The following TRPM3 variants were observed in gnomAD, a reference collection of about 807,000 sequenced individuals.
The protein encoded by TRPM3 is transient receptor potential cation channel subfamily M member 3, also known as long transient receptor potential channel 3.
TRPM3 carries 77 observed loss-of-function variants against 181.2 expected under a neutral mutation model. That is an observed-to-expected ratio of 0.42 (90% CI 0.35 to 0.51). TRPM3 has a LOEUF of 0.51. Among genes scored for constraint, TRPM3 ranks in the 20% least tolerant of loss-of-function variants. The pLI is 0.01. For synonymous variants in TRPM3, 745 were observed against 796.4 expected (o/e 0.94, Z 1.09); for missense variants, 1,759 against 2,196.7 (o/e 0.80, Z 3.98).
chr9:70,615,239 T>C (rs2062604055), intron 18 of TRPM3, among the ~76,000 whole-genome samples: 1 of 152,232 alleles, frequency 6.6e-6, no homozygotes, highest in Non-Finnish European at 1.5e-5. Flanking sequence ...TGTTGCTTGA[T>C]GACTTCCAAG....
At chr9:71,358,831 G>A (rs2092017631) in intron 1 of TRPM3, among the ~76,000 whole-genome samples, 1 of 152,154 alleles carries the variant, frequency 6.6e-6, no homozygotes, top group Admixed American at 6.6e-5. Flanking sequence ...TATCCGTCTG[G>A]TTATCAGGGT....
chr9:71,067,819 C>G (rs1446463778), intron 1 of TRPM3, among the ~76,000 whole-genome samples: 1 of 152,176 alleles, frequency 6.6e-6, no homozygotes, highest in African/African-American at 2.4e-5. Context: ...TGACCACATA[C>G]TAAGATCTCC....
intron 1 of TRPM3, among the ~76,000 whole-genome samples, chr9:71,095,615 C>T (rs759044333): frequency 9.2e-5 from 14 of 151,628 alleles, no homozygotes; most frequent in Non-Finnish European, 1.5e-4. Flanking sequence ...AAAAATTAGC[C>T]GGGCATGGTG....
At chr9:71,272,241 T>C (rs2083860189) in intron 1 of TRPM3, among the ~76,000 whole-genome samples, 1 of 152,196 alleles carries the variant, frequency 6.6e-6, no homozygotes, top group Admixed American at 6.5e-5. Context: ...ATAGAATTGG[T>C]ATTGAGAGAA....
chr9:70,678,617 G>T (rs1395989937), intron 9 of TRPM3, among the ~76,000 whole-genome samples: 1 of 152,086 alleles, frequency 6.6e-6, no homozygotes, highest in African/African-American at 2.4e-5. Flanking sequence ...CTGGATCTAG[G>T]GACCAATGGG....
intron 6 of TRPM3, among the ~76,000 whole-genome samples, chr9:70,786,235 TG>T (rs2083557006): frequency 1.4e-5 from 2 of 141,572 alleles, no homozygotes; most frequent in African/African-American, 5.4e-5. Flanking sequence ...AAGGCCAAGG[TG>T]GGCGGATCAC....
chr9:71,228,382 G>A (rs2080830217), intron 1 of TRPM3, among the ~76,000 whole-genome samples: 1 of 152,020 alleles, frequency 6.6e-6, no homozygotes, highest in Non-Finnish European at 1.5e-5. Flanking sequence ...CACTGACTGG[G>A]GAAAAACAAA....
At chr9:71,148,085 G>A (rs375521542) in intron 1 of TRPM3, among the ~76,000 whole-genome samples, 1 of 144,516 alleles carries the variant, frequency 6.9e-6, no homozygotes, top group African/African-American at 2.5e-5. Flanking sequence ...ATGACAGAGA[G>A]TAGTGTAAAA....
chr9:71,351,870 G>GTTTGT (rs2091646627), intron 1 of TRPM3, among the ~76,000 whole-genome samples: 3 of 95,660 alleles, frequency 3.1e-5, no homozygotes, highest in South Asian at 4.0e-4. Flanking sequence ...TTGTTTGTTT[G>GTTTGT]TTTTTGTTTT....
chr9:70,846,573 C>G lies in TRPM3; in HGVS notation c.481G>C (p.Asp161His), dbSNP rs1046309625. 2 of 1,613,900 alleles carry G rather than the reference C, an allele frequency of 1.2e-6. No homozygotes were observed. Among genetic ancestry groups the G allele is most frequent in the African/African-American group, 1.3e-5 (1 of 74,896 alleles). The part of the protein sequence containing the change: ...NKAMYVRVSF[D>H]TKPDLLLHLM... ...TGTAAGAGGAGATCAGGTTTTGTAT[C>G]AAAAGATACTCGCACATACTGGAAG... is the stretch of plus-strand genomic sequence containing the variant. Residue 161 changes from aspartate to histidine, a missense_variant, in exon 4 of 26, where the codon GAT becomes CAT. Coordinates refer to ENST00000677713, the MANE Select transcript of TRPM3 (RefSeq NM_001366145.2).
chr9:70,834,246 G>A (rs578230377), intron 5 of TRPM3, among the ~76,000 whole-genome samples: 1 of 152,322 alleles, frequency 6.6e-6, no homozygotes, highest in African/African-American at 2.4e-5. Context: ...GAACAATTAT[G>A]TCTTTCTGCA....
At chr9:70,920,881 A>G (rs1490305104) in intron 1 of TRPM3, among the ~76,000 whole-genome samples, 1 of 152,332 alleles carries the variant, frequency 6.6e-6, no homozygotes, top group East Asian at 1.9e-4. Flanking sequence ...ATTCATTTTT[A>G]GCAGAATCTT....
At chr9:70,973,317 T>C (rs992581087) in intron 1 of TRPM3, among the ~76,000 whole-genome samples, 3 of 152,180 alleles carry the variant, frequency 2.0e-5, no homozygotes, top group African/African-American at 4.8e-5. Flanking sequence ...TTTAAGAAGC[T>C]CTCATTCACT....
At chr9:70,635,654 G>T (rs1366332060) in intron 11 of TRPM3, among the ~76,000 whole-genome samples, 1 of 151,238 alleles carries the variant, frequency 6.6e-6, no homozygotes, top group Admixed American at 6.6e-5. Flanking sequence ...AAAGATGGGG[G>T]TCTCACTATG....
At chr9:71,071,751 T>A (rs1291593772) in intron 1 of TRPM3, among the ~76,000 whole-genome samples, 3 of 152,150 alleles carry the variant, frequency 2.0e-5, no homozygotes, top group Admixed American at 2.0e-4. Context: ...TTAGTAAATA[T>A]AGGGTGCTGA....
intron 9 of TRPM3, among the ~76,000 whole-genome samples, chr9:70,657,198 T>TAAA (rs3073513): frequency 8.5e-6 from 1 of 117,684 alleles, no homozygotes; most frequent in African/African-American, 2.9e-5. Flanking sequence ...GGGCTTGAGG[T>TAAA]AAAAAAAAAA....
chr9:71,021,034 A>G (rs1339925703), intron 1 of TRPM3, among the ~76,000 whole-genome samples: 9 of 152,236 alleles, frequency 5.9e-5, no homozygotes. Context: ...ACAAGAGGCT[A>G]CTTTGCAACA....
chr9:70,791,891 AGCAAT>A (rs2085509497), intron 6 of TRPM3, among the ~76,000 whole-genome samples: 1 of 152,178 alleles, frequency 6.6e-6, no homozygotes, highest in Non-Finnish European at 1.5e-5. Context: ...GCATTTTCAC[AGCAAT>A]CCTGTATTAA....
At chr9:70,823,428 T>C (rs1265120515) in intron 6 of TRPM3, among the ~76,000 whole-genome samples, 2 of 152,190 alleles carry the variant, frequency 1.3e-5, no homozygotes, top group Non-Finnish European at 2.9e-5. Context: ...GAACACCTGG[T>C]GGCTTAGTTC....
Sources: gnomAD v4.1 joint callset for allele counts (sites outside exome capture counted in the v4.1 genomes callset) on GRCh38, gnomAD v4.1.1 for gene constraint, MANE v1.5 for transcripts, NCBI Gene and HGNC (gene_info 2026-07-23, HGNC 2026-07-21) for gene names.